FRMD4A: variants seen among roughly 807,000 people sequenced by gnomAD.
The protein encoded by FRMD4A is FERM domain-containing protein 4A.
A neutral mutation model predicts 129.1 loss-of-function variants in FRMD4A; 29 were observed. The ratio of observed to expected loss-of-function variants is 0.22; its 90% CI spans 0.17 to 0.31. The LOEUF (loss-of-function observed/expected upper bound fraction) is 0.31. Ranked by LOEUF, FRMD4A falls within the 10% of genes least tolerant of loss-of-function variation. The pLI, the probability that FRMD4A is intolerant of heterozygous loss-of-function variation, is 1.00. For synonymous variants in FRMD4A, 634 were observed against 571.6 expected (o/e 1.11, Z -1.56); for missense variants, 1,272 against 1,375.8 (o/e 0.92, Z 1.19).
In FRMD4A at chr10:13,823,348, T is replaced by C. The variant is rs540274671; in HGVS notation, c.112-12440A>G. Among the ~76,000 whole-genome samples, 23 of 152,322 alleles carry C rather than the reference T, an allele frequency of 1.5e-4. No individual in the cohort carries two copies. In the South Asian group the frequency reaches 4.8e-3, roughly 32 times the overall value. ...CTGCTCAGGGCAATGTCACCAGGAC[T>C]GTGAGTCTAGCGTGGCTCCCCTTGG... is the stretch of plus-strand genomic sequence containing the variant. On this transcript the variant is annotated intron_variant, in intron 3 of 24. Transcript: ENST00000357447.
rs569235973 is a variant in FRMD4A at position 13,681,246 on chromosome 10, G to A, written c.1118-6202C>T. Among the ~76,000 whole-genome samples the A allele has an allele frequency of 4.6e-5, 7 of 152,216 alleles. No individual in the cohort carries two copies. In the East Asian group the frequency reaches 5.8e-4, roughly 13 times the overall value. ...TTCAGTTACTGCTACAGCCTCTCCC[G>A]GGCTGGAAGGGTGTGTCTCATCATT... On this transcript the variant is annotated intron_variant, in intron 15 of 24. Coordinates refer to ENST00000357447, the MANE Select transcript of FRMD4A (RefSeq NM_018027.5).
Position 14,330,687 on chromosome 10 carries a change from G to C in FRMD4A, c.-172C>G. 2.5e-6 allele frequency: 1 copy of C among 398,566 alleles called. No homozygotes were observed. Among genetic ancestry groups the C allele is most frequent in the East Asian group, 3.6e-5 (1 of 28,068 alleles). 24.7% of individuals were successfully genotyped at this position (398,566 alleles called of 1,614,324 possible). A position where few individuals can be genotyped will look rare whatever the true frequency, so the allele number is the denominator to read the frequency against. On this transcript the variant is annotated 5_prime_UTR_variant, in exon 1 of 25. Coordinates refer to ENST00000357447, the MANE Select transcript of FRMD4A (RefSeq NM_018027.5). ...ATCTGGGAGTGAGACAGCCGAGTCT[G>C]ACCATGAGGCACCAGGCAGTCACTG...
intron 2 of FRMD4A, among the ~76,000 whole-genome samples, chr10:14,185,475 C>T (rs375437475): frequency 2.0e-4 from 31 of 152,178 alleles, no homozygotes; most frequent in Admixed American, 8.5e-4. Flanking sequence ...AAAAACATTA[C>T]AACATTTTGT....
At chr10:14,254,711 C>T (rs1021766907) in intron 2 of FRMD4A, among the ~76,000 whole-genome samples, 1 of 151,452 alleles carries the variant, frequency 6.6e-6, no homozygotes, top group African/African-American at 2.4e-5. Flanking sequence ...AGAAGTAATA[C>T]AATTTTCAAA....
intron 2 of FRMD4A, among the ~76,000 whole-genome samples, chr10:14,024,566 A>G (rs1310753809): frequency 2.6e-5 from 4 of 152,250 alleles, no homozygotes; most frequent in Non-Finnish European, 5.9e-5. Context: ...AAAGCAGAAC[A>G]TCGCAGGCTG....
chr10:14,097,554 C>CA (rs1446404191), intron 2 of FRMD4A, among the ~76,000 whole-genome samples: 2 of 152,252 alleles, frequency 1.3e-5, no homozygotes, highest in Middle Eastern at 3.4e-3. Context: ...CAACAGCTAA[C>CA]ATAGGACAGA....
chr10:14,010,131 A>G (rs2095676259), intron 2 of FRMD4A, among the ~76,000 whole-genome samples: 1 of 152,096 alleles, frequency 6.6e-6, no homozygotes. Flanking sequence ...GGGGGGGACA[A>G]TGATGAGATG....
At chr10:14,255,829 A>T (rs1373213083) in intron 2 of FRMD4A, among the ~76,000 whole-genome samples, 1 of 152,072 alleles carries the variant, frequency 6.6e-6, no homozygotes, top group Non-Finnish European at 1.5e-5. Flanking sequence ...AACATGGTGA[A>T]ATCCAGTCTT....
intron 2 of FRMD4A, among the ~76,000 whole-genome samples, chr10:14,070,653 T>C (rs996544275): frequency 5.3e-5 from 8 of 152,192 alleles, no homozygotes; most frequent in Admixed American, 1.3e-4. Context: ...ATCTATGTTG[T>C]AGTACTATTA....
rs766466135 is a variant in FRMD4A at position 13,722,411 on chromosome 10, A to AT, written c.760-15299dup. On this transcript the variant is annotated intron_variant, in intron 12 of 24. Coordinates refer to ENST00000357447, the MANE Select transcript of FRMD4A (RefSeq NM_018027.5). ...CATACTCGGCTAATTAAAAAAAAAA[A>AT]TTTTTTTTTTTTTTGTAGAGTCGAG... is the stretch of plus-strand genomic sequence containing the variant. 8.4e-3 allele frequency among the ~76,000 whole-genome samples: 1,199 copies of AT among 142,070 alleles called. 11 individuals carry two copies. Among genetic ancestry groups the AT allele is most frequent in the African/African-American group, 0.024 (926 of 38,600 alleles). 93.2% of individuals were successfully genotyped at this position (142,070 alleles called of 152,430 possible).
chr10:14,275,398 G>A (rs905562760), intron 2 of FRMD4A, among the ~76,000 whole-genome samples: 1 of 152,196 alleles, frequency 6.6e-6, no homozygotes, highest in African/African-American at 2.4e-5. Flanking sequence ...TGAGTGTATC[G>A]CAACCTTATC....
intron 2 of FRMD4A, among the ~76,000 whole-genome samples, chr10:13,942,626 C>T (rs2131312697): frequency 6.6e-6 from 1 of 152,206 alleles, no homozygotes; most frequent in Non-Finnish European, 1.5e-5. Context: ...TTCCAGATAG[C>T]AAAGAAAAGT....
In FRMD4A at chr10:13,859,992, T is replaced by TG. The variant is rs376210041; in HGVS notation, c.46-1081dup. ...CCAAAAATAAATGGGCCGAGCCCAG[T>TG]GGGGTGCTGGTGAATATTTAACAAC... On this transcript the variant is annotated intron_variant, in intron 2 of 24. Coordinates refer to ENST00000357447, the MANE Select transcript of FRMD4A (RefSeq NM_018027.5). Among the ~76,000 whole-genome samples, 613 of 152,294 alleles carry TG rather than the reference T, an allele frequency of 4.0e-3. 2 individuals carry two copies. The highest frequency in any genetic ancestry group is 0.014 in the African/African-American group (588 of 41,558).
At chr10:13,749,535 A>G (rs2091463634) in intron 8 of FRMD4A, among the ~76,000 whole-genome samples, 1 of 152,184 alleles carries the variant, frequency 6.6e-6, no homozygotes, top group Admixed American at 6.5e-5. Flanking sequence ...AATACAGCCA[A>G]GGGCAATGCA....
intron 2 of FRMD4A, among the ~76,000 whole-genome samples, chr10:13,973,269 T>C (rs1235113826): frequency 1.3e-5 from 2 of 152,308 alleles, no homozygotes; most frequent in South Asian, 2.1e-4. Flanking sequence ...GGATAAAAAT[T>C]TGTGGTTCTC....
intron 2 of FRMD4A, among the ~76,000 whole-genome samples, chr10:14,139,795 ACAG>A (rs1839743995): frequency 6.6e-6 from 1 of 152,182 alleles, no homozygotes; most frequent in South Asian, 2.1e-4. Context: ...GGCTTCCGGG[ACAG>A]CAGATTTGGT....
At chr10:14,167,414 C>T (rs764799599) in intron 2 of FRMD4A, among the ~76,000 whole-genome samples, 24 of 151,660 alleles carry the variant, frequency 1.6e-4, no homozygotes, top group Non-Finnish European at 2.6e-4. Context: ...CACTTATAAT[C>T]CCAGCTATGC....
At chr10:14,062,865 G>A (rs1451872863) in intron 2 of FRMD4A, among the ~76,000 whole-genome samples, 1 of 152,204 alleles carries the variant, frequency 6.6e-6, no homozygotes, top group Non-Finnish European at 1.5e-5. Flanking sequence ...CAGTGAAAGG[G>A]GAAGATACAT....
intron 3 of FRMD4A, among the ~76,000 whole-genome samples, chr10:13,832,165 T>C (rs1588945262): frequency 6.7e-6 from 1 of 150,180 alleles, no homozygotes; most frequent in East Asian, 2.0e-4. Context: ...TCACCGGGGG[T>C]GAACTCAGAC....
Sources: allele counts gnomAD v4.1 joint callset (sites outside exome capture counted in the v4.1 genomes callset), GRCh38; gene constraint gnomAD v4.1.1; transcripts MANE v1.5; gene names NCBI Gene and HGNC (gene_info 2026-07-23, HGNC 2026-07-21).